RHOBTB3: variants seen among roughly 807,000 people sequenced by gnomAD.
RHOBTB3 encodes rho-related BTB domain-containing protein 3.
Under a neutral mutation model 67.2 loss-of-function variants are expected in RHOBTB3, and 47 were observed. The observed-to-expected ratio is 0.70, with a 90% CI of 0.55 to 0.89. The LOEUF (loss-of-function observed/expected upper bound fraction) is 0.89. RHOBTB3 is among the 40% of genes least tolerant of loss of function. The pLI is 0.00. For synonymous variants in RHOBTB3, 273 were observed against 274.2 expected, an observed-to-expected ratio of 1.00 and a Z score of 0.04; for missense variants, 631 against 750.0, an observed-to-expected ratio of 0.84 and a Z score of 1.85.
intron 8 of RHOBTB3, among the ~76,000 whole-genome samples, chr5:95,775,563 A>C (rs1479660769): frequency 6.6e-6 from 1 of 151,932 alleles, no homozygotes; most frequent in African/African-American, 2.4e-5. Flanking sequence ...GGGCTACTCA[A>C]CCTGTGCCAG....
intron 6 of RHOBTB3, among the ~76,000 whole-genome samples, chr5:95,760,852 C>A (rs1184945013): frequency 6.6e-6 from 1 of 152,124 alleles, no homozygotes; most frequent in Non-Finnish European, 1.5e-5. Flanking sequence ...AATGTTTTTA[C>A]CACTGGAAAA....
chr5:95,770,307 A>G, intron 8 of RHOBTB3: 1 of 283,076 alleles, frequency 3.5e-6, no homozygotes, highest in Non-Finnish European at 7.3e-6. Flanking sequence ...CTACTGAAGA[A>G]GACATCATTC....
intron 8 of RHOBTB3, among the ~76,000 whole-genome samples, chr5:95,779,176 G>T (rs1380040309): frequency 6.6e-6 from 1 of 152,202 alleles, no homozygotes; most frequent in African/African-American, 2.4e-5. Flanking sequence ...AGATGTGTGG[G>T]TAAACTCTTG....
At chr5:95,734,880 G>A (rs897379429) in intron 2 of RHOBTB3, among the ~76,000 whole-genome samples, 1 of 152,022 alleles carries the variant, frequency 6.6e-6, no homozygotes, top group East Asian at 1.9e-4. Context: ...TTCCCTTAAA[G>A]GTCCTCCCCT....
chr5:95,741,298 A>G (rs1366230414), intron 3 of RHOBTB3, among the ~76,000 whole-genome samples: 3 of 150,726 alleles, frequency 2.0e-5, no homozygotes, highest in Non-Finnish European at 4.4e-5. Flanking sequence ...ACTGCACTCC[A>G]GCCTGGACGA....
At chr5:95,755,367 TA>T (rs1745211392) in intron 5 of RHOBTB3, 28 bp from the exon 6 acceptor site, 1 of 1,461,888 alleles carries the variant, frequency 6.8e-7, no homozygotes. Flanking sequence ...GAAAGGAGTT[TA>T]TTATTTTTAT....
chr5:95,727,379 C>A (rs578117505), upstream of RHOBTB3, among the ~76,000 whole-genome samples: 3 of 152,178 alleles, frequency 2.0e-5, no homozygotes, highest in East Asian at 5.8e-4. Context: ...GGAACCAACA[C>A]GTTTTTCAAA....
chr5:95,758,811 G>A (rs1323058196), intron 6 of RHOBTB3, among the ~76,000 whole-genome samples: 1 of 152,196 alleles, frequency 6.6e-6, no homozygotes, highest in Middle Eastern at 3.2e-3. Flanking sequence ...TGCATTTCCA[G>A]TAGTCTCCGA....
chr5:95,730,799 TCTGCAGCAGC>T, upstream of RHOBTB3: 1 of 436,156 alleles, frequency 2.3e-6, no homozygotes, highest in Non-Finnish European at 4.6e-6. Context: ...AAGAACTCTT[TCTGCAGCAGC>T]ATGAATGTTG....
At chr5:95,787,505 A>G in intron 10 of RHOBTB3, among the ~76,000 whole-genome samples, 1 of 151,900 alleles carries the variant, frequency 6.6e-6, no homozygotes, top group South Asian at 2.1e-4. Flanking sequence ...TTTAGAGATT[A>G]CTAATCTTTC....
Position 95,724,619 on chromosome 5 carries a change from C to G in RHOBTB3, n.133+6854C>G, listed in dbSNP as rs1483574291. On this transcript the variant is annotated intron_variant and non_coding_transcript_variant, in intron 1 of 5. Coordinates refer to the RHOBTB3 transcript ENST00000504949. ...TAGCTGGGATTACAAGCTCCCACCACCACGCCCGGCTAATTTTTGTATTTT... is the reference window on the plus strand; with the variant it reads ...TAGCTGGGATTACAAGCTCCCACCAGCACGCCCGGCTAATTTTTGTATTTT... 2.6e-5 allele frequency among the ~76,000 whole-genome samples: 4 copies of G among 152,324 alleles called. No homozygotes were observed. In the East Asian group the frequency reaches 7.7e-4, roughly 29 times the overall value.
chr5:95,748,954 T>C (rs1337656676), intron 4 of RHOBTB3, among the ~76,000 whole-genome samples: 2 of 152,232 alleles, frequency 1.3e-5, no homozygotes, highest in Admixed American at 1.3e-4. Flanking sequence ...CTCAAACAGA[T>C]TCAGAGGAAC....
chr5:95,722,351 AAC>A (rs1754910069), intron 1 of RHOBTB3, among the ~76,000 whole-genome samples: 1 of 152,234 alleles, frequency 6.6e-6, no homozygotes, highest in African/African-American at 2.4e-5. Flanking sequence ...ACTTAACTCT[AAC>A]ATACTGTATT....
At position 95,738,426 on chromosome 5, in the gene RHOBTB3, G is replaced by GT. The variant is rs541520271; in HGVS notation, c.415+1353dup. Among the ~76,000 whole-genome samples the GT allele has an allele frequency of 1.3e-3, 195 of 152,320 alleles. 1 individual carries two copies. The highest frequency in any genetic ancestry group is 4.5e-3 in the African/African-American group (189 of 41,570). On this transcript the variant is annotated intron_variant, in intron 3 of 11. Coordinates refer to ENST00000379982, the MANE Select transcript of RHOBTB3 (RefSeq NM_014899.4). Reference sequence around the variant, plus strand: ...CTGTGGTCTGAATTTGTTCCCCAAAGTTCATGTGATGGCACAGTGTTGGGC... The same window carrying GT: ...CTGTGGTCTGAATTTGTTCCCCAAAGTTTCATGTGATGGCACAGTGTTGGGC...
chr5:95,741,523 GTTTT>G (rs70978191), intron 3 of RHOBTB3, among the ~76,000 whole-genome samples: 9 of 84,836 alleles, frequency 1.1e-4, no homozygotes, highest in African/African-American at 4.1e-4. Flanking sequence ...CTTTCTTTCT[GTTTT>G]TTTTTTTTTT....
rs1561460870 is a variant in RHOBTB3, at chr5:95,795,200, T to C, written c.*2026T>C. ...GGCTGATTTTAATTAGGCTGTATCATTGATGATTACTGGAATCGATTTTAT... is the reference window on the plus strand; with the variant it reads ...GGCTGATTTTAATTAGGCTGTATCACTGATGATTACTGGAATCGATTTTAT... On this transcript the variant is annotated 3_prime_UTR_variant, in exon 12 of 12. Coordinates refer to ENST00000379982, the MANE Select transcript of RHOBTB3 (RefSeq NM_014899.4). 6.6e-6 allele frequency: 1 copy of C among 152,142 alleles called. No homozygotes were observed. Among genetic ancestry groups the C allele is most frequent in the African/African-American group, 2.4e-5 (1 of 41,426 alleles). 9.4% of individuals were successfully genotyped at this position (152,142 alleles called of 1,614,324 possible). A position where few individuals can be genotyped will look rare whatever the true frequency, so the allele number is the denominator to read the frequency against.
In RHOBTB3 at chr5:95,748,496, A is replaced by C; in HGVS notation, c.570+9A>C. 6.2e-7 allele frequency: 1 copy of C among 1,603,570 alleles called. No individual in the cohort carries two copies. The highest frequency in any genetic ancestry group is 1.3e-5 in the African/African-American group (1 of 74,828). On this transcript the variant is annotated intron_variant, in intron 4 of 11. Coordinates refer to ENST00000379982, the MANE Select transcript of RHOBTB3 (RefSeq NM_014899.4). ...AGTATTTTGGAGGAGTGGTAAGTGG[A>C]AATTCCTGTTAAGTATAAAGTTATT...
intron 10 of RHOBTB3, among the ~76,000 whole-genome samples, chr5:95,787,617 G>C (rs999040148): frequency 6.6e-6 from 1 of 152,190 alleles, no homozygotes; most frequent in African/African-American, 2.4e-5. Context: ...CCATTGACAG[G>C]TGAAGAGATA....
chr5:95,753,561 C>T (rs1212795062), intron 5 of RHOBTB3, among the ~76,000 whole-genome samples: 1 of 152,026 alleles, frequency 6.6e-6, no homozygotes, highest in East Asian at 1.9e-4. Context: ...TAAAAAAGTG[C>T]AGATATATAG....
Sources: allele counts gnomAD v4.1 joint callset (sites outside exome capture counted in the v4.1 genomes callset), GRCh38; gene constraint gnomAD v4.1.1; transcripts MANE v1.5; gene names NCBI Gene and HGNC (gene_info 2026-07-23, HGNC 2026-07-21).